Variants in TTC29 observed in about 807,000 individuals in gnomAD.
TTC29 encodes the protein tetratricopeptide repeat protein 29.
In TTC29, 49 loss-of-function variants were observed where a neutral mutation model predicts 58.1. That is an observed-to-expected ratio of 0.84 (90% CI 0.67 to 1.07). The LOEUF is 1.07. Among genes scored for constraint, TTC29 ranks in the 50% least tolerant of loss-of-function variants. The pLI is 0.00. For synonymous variants in TTC29, 209 were observed against 196.8 expected, an observed-to-expected ratio of 1.06 and a Z score of -0.52; for missense variants, 582 against 555.6, an observed-to-expected ratio of 1.05 and a Z score of -0.48.
At chr4:146,804,836 C>T (rs959538961) in intron 10 of TTC29, among the ~76,000 whole-genome samples, 11 of 152,198 alleles carry the variant, frequency 7.2e-5, no homozygotes, top group East Asian at 1.9e-4. Flanking sequence ...TCCTGCCTGC[C>T]GGCCCTGAAG....
intron 9 of TTC29, among the ~76,000 whole-genome samples, chr4:146,821,992 T>G (rs911432236): frequency 4.0e-5 from 6 of 151,102 alleles, no homozygotes; most frequent in South Asian, 4.2e-4. Flanking sequence ...AGTGTTTTTT[T>G]TTTTTTTTTT....
chr4:146,829,112 T>C (rs941195172), intron 9 of TTC29, among the ~76,000 whole-genome samples: 3 of 152,228 alleles, frequency 2.0e-5, no homozygotes, highest in Non-Finnish European at 4.4e-5. Flanking sequence ...AATCATTAAA[T>C]TCATTCAACC....
At chr4:146,843,719 C>A (rs1189469641) in intron 8 of TTC29, among the ~76,000 whole-genome samples, 1 of 152,080 alleles carries the variant, frequency 6.6e-6, no homozygotes, top group African/African-American at 2.4e-5. Context: ...ACATTGGTAT[C>A]TTTAATAATC....
At chr4:146,707,682 C>T in intron 11 of TTC29, 131 bp from the exon 12 acceptor site, 1 of 597,524 alleles carries the variant, frequency 1.7e-6, no homozygotes, top group Non-Finnish European at 2.9e-6. Flanking sequence ...GTATGTATCA[C>T]CAGGGCAGAT....
chr4:146,768,143 G>C (rs1458778204), intron 11 of TTC29, among the ~76,000 whole-genome samples: 1 of 151,996 alleles, frequency 6.6e-6, no homozygotes, highest in East Asian at 1.9e-4. Context: ...GGAAAGAAGA[G>C]AAAGTAAAGA....
chr4:146,782,507 A>C (rs971756218), intron 11 of TTC29, among the ~76,000 whole-genome samples: 1 of 151,942 alleles, frequency 6.6e-6, no homozygotes, highest in African/African-American at 2.4e-5. Context: ...GTTTTCTGGC[A>C]TTACTCTGTT....
chr4:146,711,164 G>A (rs1742464842), intron 11 of TTC29, among the ~76,000 whole-genome samples: 1 of 151,992 alleles, frequency 6.6e-6, no homozygotes, highest in South Asian at 2.1e-4. Context: ...CTAGACCCCT[G>A]GTAATGGATT....
At chr4:146,795,338 C>T (rs1256943640) in intron 11 of TTC29, among the ~76,000 whole-genome samples, 6 of 152,106 alleles carry the variant, frequency 3.9e-5, no homozygotes, top group Non-Finnish European at 7.4e-5. Context: ...GCTACTACTT[C>T]TTGTCATTAG....
intron 11 of TTC29, among the ~76,000 whole-genome samples, chr4:146,793,527 G>T (rs1749620180): frequency 6.6e-6 from 1 of 152,104 alleles, no homozygotes; most frequent in Non-Finnish European, 1.5e-5. Flanking sequence ...CTAAAGTGCA[G>T]TGTAAGCATA....
chr4:146,779,848 G>A (rs1729875625), intron 11 of TTC29, among the ~76,000 whole-genome samples: 1 of 152,082 alleles, frequency 6.6e-6, no homozygotes, highest in African/African-American at 2.4e-5. Context: ...TTTTCATATA[G>A]CTTGGACCCA....
At chr4:146,826,955 C>A (rs925437571) in intron 9 of TTC29, among the ~76,000 whole-genome samples, 1 of 151,832 alleles carries the variant, frequency 6.6e-6, no homozygotes, top group Non-Finnish European at 1.5e-5. Flanking sequence ...TCCATCAGGT[C>A]GTTTATGTTC....
intron 11 of TTC29, among the ~76,000 whole-genome samples, chr4:146,756,384 A>G (rs1746453724): frequency 6.6e-6 from 1 of 152,188 alleles, no homozygotes; most frequent in African/African-American, 2.4e-5. Flanking sequence ...TCAAAATGAT[A>G]CTATGAATGA....
At chr4:146,921,763 T>C (rs1395351890) in intron 4 of TTC29, among the ~76,000 whole-genome samples, 1 of 151,228 alleles carries the variant, frequency 6.6e-6, no homozygotes, top group African/African-American at 2.4e-5. Context: ...AGTAATTGCC[T>C]AGCTTGATTG....
intron 6 of TTC29, among the ~76,000 whole-genome samples, chr4:146,898,598 C>T (rs369452446): frequency 1.1e-4 from 17 of 152,198 alleles, no homozygotes; most frequent in African/African-American, 1.7e-4. Flanking sequence ...GCACTTTCTA[C>T]GTTGTTCTTA....
intron 8 of TTC29, among the ~76,000 whole-genome samples, chr4:146,835,020 A>T (rs1234768078): frequency 6.6e-6 from 1 of 152,178 alleles, no homozygotes; most frequent in African/African-American, 2.4e-5. Context: ...GGTATTTTGT[A>T]CTTTAAAAAT....
chr4:146,926,033 G>A (rs1734907450), intron 4 of TTC29, among the ~76,000 whole-genome samples: 1 of 151,998 alleles, frequency 6.6e-6, no homozygotes, highest in Non-Finnish European at 1.5e-5. Flanking sequence ...ATTGTTCATA[G>A]GGTTGTTTTA....
At chr4:146,801,210 G>A (rs932731669) in intron 11 of TTC29, among the ~76,000 whole-genome samples, 4 of 152,148 alleles carry the variant, frequency 2.6e-5, no homozygotes, top group Non-Finnish European at 5.9e-5. Flanking sequence ...GTTAAGAGTT[G>A]TGGTTCAAGA....
chr4:146,808,338 G>A (rs1046644466), intron 10 of TTC29, among the ~76,000 whole-genome samples: 2 of 152,184 alleles, frequency 1.3e-5, no homozygotes, highest in Non-Finnish European at 2.9e-5. Flanking sequence ...ACAAGAGAAG[G>A]ATGTCCTCTC....
intron 11 of TTC29, among the ~76,000 whole-genome samples, chr4:146,729,133 T>C (rs773281103): frequency 3.3e-5 from 5 of 152,040 alleles, no homozygotes; most frequent in Non-Finnish European, 7.4e-5. Context: ...GCCAAACTAC[T>C]CTCCTTGGAG....
Sources: allele counts gnomAD v4.1 joint callset (sites outside exome capture counted in the v4.1 genomes callset), GRCh38; gene constraint gnomAD v4.1.1; transcripts MANE v1.5; gene names NCBI Gene and HGNC (gene_info 2026-07-23, HGNC 2026-07-21).